Variants in CSMD1 observed in about 807,000 individuals in gnomAD.
CSMD1 encodes the protein CUB and sushi domain-containing protein 1.
A neutral mutation model predicts 417.5 loss-of-function variants in CSMD1; 213 were observed. The observed-to-expected ratio is 0.51, with a 90% CI of 0.46 to 0.57. The LOEUF (loss-of-function observed/expected upper bound fraction) is 0.57. CSMD1 is among the 20% of genes least tolerant of loss of function. The probability of loss-of-function intolerance (pLI) is 0.00; values close to 1 mark genes in which losing one functional copy is unlikely to be tolerated. For synonymous variants in CSMD1, 2,862 were observed against 1,736.8 expected, an observed-to-expected ratio of 1.65 and a Z score of -16.11; for missense variants, 6,923 against 4,529.7, an observed-to-expected ratio of 1.53 and a Z score of -15.17.
In CSMD1 at chr8:3,443,605, C is replaced by T. The variant is rs372768539; in HGVS notation, c.1561+25107G>A. On this transcript the variant is annotated intron_variant, in intron 12 of 69. Transcript: ENST00000635120. ...GAGAAGGAAGCAGAAGTGAGACCTT[C>T]AAATTATACCTACCTTTGCAGAGTT... Among the ~76,000 whole-genome samples the T allele has an allele frequency of 5.3e-5, 8 of 152,268 alleles. No individual in the cohort carries two copies. The East Asian group carries it at 1.5e-3, about 29-fold the overall frequency.
chr8:4,625,357 G>T (rs1802035523), intron 2 of CSMD1, among the ~76,000 whole-genome samples: 1 of 152,090 alleles, frequency 6.6e-6, no homozygotes, highest in African/African-American at 2.4e-5. Context: ...AGTGCAAAAT[G>T]TAAATGATCC....
At chr8:3,472,446 AC>A (rs900729435) in intron 11 of CSMD1, among the ~76,000 whole-genome samples, 5 of 152,198 alleles carry the variant, frequency 3.3e-5, no homozygotes, top group African/African-American at 9.6e-5. Context: ...TCTTTCCAGC[AC>A]CTTAACTGTG....
Position 3,925,808 on chromosome 8 carries a change from A to G in CSMD1, c.818+72095T>C, listed in dbSNP as rs543310596. ...TCCCAGTTTTGGGTATGTCTTTATC[A>G]GCAGCATTAAAACCAACTAATACGG... On this transcript the variant is annotated intron_variant, in intron 5 of 69. Transcript: ENST00000635120. Among the ~76,000 whole-genome samples the G allele has an allele frequency of 6.0e-4, 92 of 152,200 alleles. No individual in the cohort carries two copies. The South Asian group carries it at 7.7e-3, about 13-fold the overall frequency.
At chr8:3,367,445 G>C (rs1295357308) in intron 19 of CSMD1, among the ~76,000 whole-genome samples, 198 bp from the exon 20 acceptor site, 1 of 151,756 alleles carries the variant, frequency 6.6e-6, no homozygotes, top group African/African-American at 2.4e-5. Flanking sequence ...ATGAGACAGA[G>C]ATGGAGAGAG....
chr8:3,933,414 T>C (rs1231227229), intron 5 of CSMD1, among the ~76,000 whole-genome samples: 2 of 152,226 alleles, frequency 1.3e-5, no homozygotes, highest in South Asian at 2.1e-4. Flanking sequence ...AGGACTTGTA[T>C]GTATGACAGA....
chr8:3,883,978 G>C (rs918850638), intron 5 of CSMD1, among the ~76,000 whole-genome samples: 6 of 152,080 alleles, frequency 3.9e-5, no homozygotes, highest in African/African-American at 1.4e-4. Context: ...CACATACTAA[G>C]ATAAACAGAC....
At chr8:4,035,977 CT>C (rs578231200) in intron 3 of CSMD1, among the ~76,000 whole-genome samples, 2 of 152,020 alleles carry the variant, frequency 1.3e-5, no homozygotes, top group East Asian at 1.9e-4. Context: ...GAGTGTAACA[CT>C]TTTTTTTATT....
chr8:4,918,733 GTAAT>G (rs1487581917), intron 1 of CSMD1, among the ~76,000 whole-genome samples: 3 of 151,972 alleles, frequency 2.0e-5, no homozygotes, highest in African/African-American at 7.3e-5. Context: ...GAACTTTCCA[GTAAT>G]TAATTTCCAC....
intron 5 of CSMD1, among the ~76,000 whole-genome samples, chr8:3,954,151 T>G (rs749854944): frequency 2.0e-5 from 3 of 151,984 alleles, no homozygotes; most frequent in Non-Finnish European, 4.4e-5. Context: ...CACATATGGG[T>G]CTGTAGAAAC....
intron 12 of CSMD1, among the ~76,000 whole-genome samples, chr8:3,456,898 C>T (rs1454916071): frequency 2.0e-5 from 3 of 152,022 alleles, no homozygotes; most frequent in Non-Finnish European, 2.9e-5. Flanking sequence ...TATCCTGCCC[C>T]CCTTGTATTC....
chr8:3,683,728 G>T (rs1391105785), intron 7 of CSMD1, among the ~76,000 whole-genome samples: 1 of 152,034 alleles, frequency 6.6e-6, no homozygotes, highest in Non-Finnish European at 1.5e-5. Context: ...CAACTAGTAG[G>T]TTCAACTCAA....
At position 4,321,998 on chromosome 8, in the gene CSMD1, G is replaced by T. The variant is rs191419343; in HGVS notation, c.415+97955C>A. Among the ~76,000 whole-genome samples, 9 of 151,938 alleles carry T rather than the reference G, an allele frequency of 5.9e-5. No homozygotes were observed. The East Asian group carries it at 1.7e-3, about 29-fold the overall frequency. ...CATAGACATTGTTAATTATCTTCAA[G>T]AAGAAAATCAAAAAAGCTATTCCAT... On this transcript the variant is annotated intron_variant, in intron 3 of 69. Transcript: ENST00000635120.
intron 3 of CSMD1, among the ~76,000 whole-genome samples, chr8:4,220,032 C>A (rs552687887): frequency 3.3e-5 from 5 of 152,182 alleles, no homozygotes; most frequent in Non-Finnish European, 5.9e-5. Flanking sequence ...TGACTACAAC[C>A]TCTGCCTCTC....
intron 2 of CSMD1, among the ~76,000 whole-genome samples, chr8:4,537,425 CTAT>C (rs1378692805): frequency 6.6e-6 from 1 of 151,908 alleles, no homozygotes; most frequent in Non-Finnish European, 1.5e-5. Context: ...GTGATTATTC[CTAT>C]TATTGTTATT....
chr8:4,432,383 T>C (rs1046102178), intron 2 of CSMD1, among the ~76,000 whole-genome samples: 4 of 152,160 alleles, frequency 2.6e-5, no homozygotes, highest in African/African-American at 9.7e-5. Context: ...GTGATTAACC[T>C]ACACTAAGGC....
At chr8:3,350,776 C>T (rs1199882889) in intron 21 of CSMD1, among the ~76,000 whole-genome samples, 1 of 151,838 alleles carries the variant, frequency 6.6e-6, no homozygotes, top group Non-Finnish European at 1.5e-5. Flanking sequence ...GCATTTGTAT[C>T]CATGTGAAGA....
At position 2,962,474 on chromosome 8, in the gene CSMD1, G is replaced by T; in HGVS notation, c.9620C>A (p.Thr3207Asn). 6.2e-7 allele frequency: 1 copy of T among 1,613,262 alleles called. No individual in the cohort carries two copies. Among genetic ancestry groups the T allele is most frequent in the Non-Finnish European group, 8.5e-7 (1 of 1,179,392 alleles). Reference protein sequence around the residue: ...ADGTWSGIQPTCIDPAHNTCP... With the variant: ...ADGTWSGIQPNCIDPAHNTCP... ...TGTATGATAATTATTACCAATGCAG[G>T]TGGGTTGTATGCCGCTCCACGTGCC... The change falls in exon 61 of 70, where the codon ACC (threonine) becomes AAC (asparagine). Residue 3207 changes from threonine (T) to asparagine (N), a missense_variant. Coordinates refer to ENST00000635120, the MANE Select transcript of CSMD1 (RefSeq NM_033225.6).
chr8:3,390,029 G>T (rs935160706), intron 17 of CSMD1, among the ~76,000 whole-genome samples: 1 of 152,036 alleles, frequency 6.6e-6, no homozygotes, highest in South Asian at 2.1e-4. Context: ...CCATGTAAAA[G>T]AATCCTGAAA....
chr8:4,201,900 C>A (rs1406541349), intron 3 of CSMD1, among the ~76,000 whole-genome samples: 1 of 117,202 alleles, frequency 8.5e-6, no homozygotes, highest in Admixed American at 8.8e-5. Context: ...GGGGGGGGGG[C>A]GCTGCATTCA....
Sources: allele counts gnomAD v4.1 joint callset (sites outside exome capture counted in the v4.1 genomes callset), GRCh38; gene constraint gnomAD v4.1.1; transcripts MANE v1.5; gene names NCBI Gene and HGNC (gene_info 2026-07-23, HGNC 2026-07-21).